WDFY3: variants seen among roughly 807,000 people sequenced by gnomAD.
The protein encoded by WDFY3 is WD repeat and FYVE domain containing 3, also known as WD repeat and FYVE domain-containing protein 3.
In WDFY3, 66 loss-of-function variants were observed where a neutral mutation model predicts 409.6. The ratio of observed to expected loss-of-function variants is 0.16; its 90% CI spans 0.13 to 0.20. The LOEUF is 0.20. Ranked by LOEUF, WDFY3 falls within the 10% of genes least tolerant of loss-of-function variation. The pLI is 1.00. For synonymous variants in WDFY3, 1,521 were observed against 1,537.1 expected (o/e 0.99, Z 0.25); for missense variants, 3,031 against 4,298.1 (o/e 0.71, Z 8.24).
intron 1 of WDFY3, among the ~76,000 whole-genome samples, chr4:84,959,402 C>T (rs1170492290): frequency 2.6e-5 from 4 of 151,928 alleles, no homozygotes; most frequent in Admixed American, 6.6e-5. Context: ...TATGAGAAGA[C>T]GTGAGACTGC....
chr4:84,861,372 GTTAT>G (rs1021782654), intron 3 of WDFY3, among the ~76,000 whole-genome samples: 1 of 152,000 alleles, frequency 6.6e-6, no homozygotes, highest in Non-Finnish European at 1.5e-5. Context: ...TCTATTTTTA[GTTAT>G]TTAATTTATA....
rs527610661 is a variant in WDFY3 at position 84,758,358 on chromosome 4, G to A, written c.5189-1197C>T. Among the ~76,000 whole-genome samples the A allele has an allele frequency of 8.0e-4, 121 of 152,010 alleles. 3 individuals are homozygous for A. The highest frequency in any genetic ancestry group is 3.1e-4 in the Non-Finnish European group (21 of 68,004). On this transcript the variant is annotated intron_variant, in intron 32 of 67. Transcript: ENST00000295888. ...ACTCCTGGACTCAAAGGATCCTCCC[G>A]CCTCAGCTTCCCCAGTAGCTAGCAC...
intron 2 of WDFY3, among the ~76,000 whole-genome samples, chr4:84,902,712 T>C (rs1363199737): frequency 6.6e-6 from 1 of 152,208 alleles, no homozygotes; most frequent in Non-Finnish European, 1.5e-5. Flanking sequence ...AGGAAAAGCC[T>C]TTTTCTCCAT....
chr4:84,711,850 C>CA (rs571281125), intron 51 of WDFY3, among the ~76,000 whole-genome samples: 3,020 of 129,702 alleles, frequency 0.023, 43 homozygotes, highest in South Asian at 0.038. Flanking sequence ...GACTCCGTCT[C>CA]AAAAAAAAAA....
At chr4:84,811,451 G>C (rs916646825) in intron 13 of WDFY3, among the ~76,000 whole-genome samples, 20 of 152,014 alleles carry the variant, frequency 1.3e-4, no homozygotes, top group Non-Finnish European at 2.2e-4. Flanking sequence ...CCACTTTATC[G>C]ATAAGGAATT....
chr4:84,867,657 A>C (rs1761576313), intron 3 of WDFY3, among the ~76,000 whole-genome samples: 1 of 152,212 alleles, frequency 6.6e-6, no homozygotes, highest in Non-Finnish European at 1.5e-5. Flanking sequence ...GTTTTCCATT[A>C]CTTAAATCAT....
chr4:84,799,651 T>G (rs1197685796), intron 17 of WDFY3, among the ~76,000 whole-genome samples: 5 of 151,962 alleles, frequency 3.3e-5, no homozygotes, highest in Admixed American at 6.6e-5. Flanking sequence ...TTTAAGAGCA[T>G]AAACCCTCCA....
At chr4:84,717,423 G>A (rs1734119330) in intron 48 of WDFY3, among the ~76,000 whole-genome samples, 2 of 152,132 alleles carry the variant, frequency 1.3e-5, no homozygotes. Context: ...AAATATTTTT[G>A]TATGGAAAAA....
chr4:84,754,846 T>C (rs1443358786), intron 34 of WDFY3, among the ~76,000 whole-genome samples: 1 of 152,116 alleles, frequency 6.6e-6, no homozygotes. Flanking sequence ...TACTCATTAT[T>C]ATATATTTTA....
intron 13 of WDFY3, among the ~76,000 whole-genome samples, chr4:84,814,516 GTAACA>G (rs1481090543): frequency 1.3e-5 from 2 of 152,096 alleles, no homozygotes; most frequent in African/African-American, 2.4e-5. Context: ...ATTGTTCAGA[GTAACA>G]TGATGAAATC....
intron 1 of WDFY3, among the ~76,000 whole-genome samples, chr4:84,963,194 C>T (rs1047121848): frequency 6.6e-6 from 1 of 151,290 alleles, no homozygotes; most frequent in Non-Finnish European, 1.5e-5. Flanking sequence ...GAGACAGAGG[C>T]AGGCAGACCA....
intron 53 of WDFY3, 136 bp downstream of exon 53, chr4:84,708,773 T>C: frequency 1.1e-6 from 1 of 895,174 alleles, no homozygotes; most frequent in East Asian, 2.7e-5. Context: ...AATCCTGGGC[T>C]CAAGTGATTC....
intron 3 of WDFY3, among the ~76,000 whole-genome samples, chr4:84,882,789 C>A (rs1044796896): frequency 6.6e-6 from 1 of 151,668 alleles, no homozygotes; most frequent in Admixed American, 6.6e-5. Flanking sequence ...TCAGAGCTCA[C>A]TGAAGCCTCG....
chr4:84,910,141 A>G (rs1767568128), intron 2 of WDFY3, among the ~76,000 whole-genome samples: 1 of 152,320 alleles, frequency 6.6e-6, no homozygotes, highest in East Asian at 1.9e-4. Context: ...ATACAGAATA[A>G]CAACTATTTA....
Position 84,670,440 on chromosome 4 carries a change from A to G in WDFY3, c.*2428T>C, listed in dbSNP as rs1180185104. ...TCTGTTGATTTCTGCATTAGAGGCA[A>G]AAAGAAAAGAAACCCGATTGAACAA... On this transcript the variant is annotated 3_prime_UTR_variant, in exon 68 of 68. Transcript: ENST00000295888. 1 of 152,684 alleles carries G rather than the reference A, an allele frequency of 6.5e-6. No homozygotes were observed. The highest frequency in any genetic ancestry group is 1.5e-5 in the Non-Finnish European group (1 of 68,048). 9.5% of individuals were successfully genotyped at this position (152,684 alleles called of 1,614,324 possible).
At chr4:84,721,387 T>G (rs1186217277) in intron 47 of WDFY3, 22 bp downstream of exon 47, 1 of 1,612,124 alleles carries the variant, frequency 6.2e-7, no homozygotes, top group Admixed American at 1.7e-5. Context: ...TTTACAATCC[T>G]TACTTTTCAG....
chr4:84,735,332 G>A (rs1737258365), intron 42 of WDFY3, among the ~76,000 whole-genome samples: 1 of 152,208 alleles, frequency 6.6e-6, no homozygotes, highest in Non-Finnish European at 1.5e-5. Context: ...CTTCAAGGAA[G>A]GGCTTGCTGC....
chr4:84,963,477 A>G (rs1432614529), intron 1 of WDFY3, among the ~76,000 whole-genome samples: 1 of 152,054 alleles, frequency 6.6e-6, no homozygotes, highest in Non-Finnish European at 1.5e-5. Context: ...GGAAATTCGT[A>G]ATCACAGGAA....
intron 32 of WDFY3, among the ~76,000 whole-genome samples, chr4:84,761,831 G>A (rs1009669947): frequency 1.4e-3 from 207 of 152,144 alleles, no homozygotes; most frequent in African/African-American, 4.6e-3. Flanking sequence ...TCAAAAGAAG[G>A]CATTTATGCA....
Sources: gnomAD v4.1 joint callset for allele counts (sites outside exome capture counted in the v4.1 genomes callset) on GRCh38, gnomAD v4.1.1 for gene constraint, MANE v1.5 for transcripts, NCBI Gene and HGNC (gene_info 2026-07-23, HGNC 2026-07-21) for gene names.